Variants in DPYSL2 observed in about 807,000 individuals in gnomAD.
The protein encoded by DPYSL2 is dihydropyrimidinase like 2.
Under a neutral mutation model 69.9 loss-of-function variants are expected in DPYSL2, and 13 were observed. That is an observed-to-expected ratio of 0.19 (90% confidence interval 0.12 to 0.30). DPYSL2 has a LOEUF of 0.30. Ranked by LOEUF, DPYSL2 falls within the 10% of genes least tolerant of loss-of-function variation. DPYSL2 has a pLI of 1.00. For missense variants in DPYSL2, 587 were observed against 918.9 expected, an observed-to-expected ratio of 0.64 and a Z score of 4.67; for synonymous variants, 326 against 359.1, an observed-to-expected ratio of 0.91 and a Z score of 1.04.
rs1803204640 is a variant in DPYSL2 at position 26,647,848 on chromosome 8, C to T, written c.1596+48C>T. ...ACCCCATCCAAACGAATTACAGTCA[C>T]AGAGACACAGACGGAGGGAGAGCCC... On this transcript the variant is annotated intron_variant, in intron 11 of 13. Coordinates refer to ENST00000521913, the MANE Select transcript of DPYSL2 (RefSeq NM_001197293.3). The surrounding 1 kb of genome is among the most constrained non-coding windows in gnomAD (Gnocchi z 5.1). 1 of 1,555,562 alleles carries T rather than the reference C, an allele frequency of 6.4e-7. No individual in the cohort carries two copies. Among genetic ancestry groups the T allele is most frequent in the Non-Finnish European group, 8.7e-7 (1 of 1,149,448 alleles).
At position 26,619,618 on chromosome 8, in the gene DPYSL2, C is replaced by T. The variant is rs1802435714; in HGVS notation, c.629-4525C>T. 1 of 152,244 alleles carries T rather than the reference C, an allele frequency of 6.6e-6. No homozygotes were observed. The highest frequency in any genetic ancestry group is 2.4e-5 in the African/African-American group (1 of 41,440). The allele number at this position is 152,244 out of a possible 1,614,324, so 9.4% of individuals were successfully genotyped here. A position where few individuals can be genotyped will look rare whatever the true frequency, so the allele number is the denominator to read the frequency against. ...GATGCTCAAGGTAGTTCAAGGCAGA[C>T]TCAGTAGCTCCCGGGTTGCTTAGTA... On this transcript the variant is annotated intron_variant, in intron 3 of 13. Transcript: ENST00000521913. This position sits in a 1 kb window ranked among gnomAD's most constrained non-coding sequence, Gnocchi z 4.8.
intron 3 of DPYSL2, among the ~76,000 whole-genome samples, chr8:26,599,928 C>T (rs1158245779): frequency 6.6e-6 from 1 of 152,106 alleles, no homozygotes; most frequent in Non-Finnish European, 1.5e-5. Context: ...CCCCACCTCT[C>T]CCCTTGCACC....
chr8:26,580,268 A>G lies in DPYSL2; in HGVS notation c.355-1701A>G, dbSNP rs1399033825. The stretch of plus-strand genomic sequence containing the variant: ...GGGAGAGAAGTGGAGGTCATTGTAG[A>G]CAGAGGACAAGTGCACTGATTTGAG... On this transcript the variant is annotated intron_variant, in intron 1 of 13. Transcript: ENST00000521913. The surrounding 1 kb of genome is among the most constrained non-coding windows in gnomAD (Gnocchi z 4.1). 6.6e-6 allele frequency among the ~76,000 whole-genome samples: 1 copy of G among 152,158 alleles called. No individual in the cohort carries two copies. The highest frequency in any genetic ancestry group is 1.5e-5 in the Non-Finnish European group (1 of 68,012).
intron 3 of DPYSL2, among the ~76,000 whole-genome samples, chr8:26,590,103 G>A (rs1258164822): frequency 6.6e-6 from 1 of 152,234 alleles, no homozygotes; most frequent in Non-Finnish European, 1.5e-5. Context: ...TAATATGGAT[G>A]TGTCTGTAAT....
At chr8:26,589,572 T>G (rs1477900331) in intron 3 of DPYSL2, among the ~76,000 whole-genome samples, 1 of 152,224 alleles carries the variant, frequency 6.6e-6, no homozygotes, top group Non-Finnish European at 1.5e-5. Context: ...CGACGTGGAC[T>G]GTGTTCACCC....
At position 26,609,686 on chromosome 8, in the gene DPYSL2, C is replaced by G. The variant is rs988914146; in HGVS notation, c.629-14457C>G. Among the ~76,000 whole-genome samples the G allele has an allele frequency of 1.3e-5, 2 of 152,224 alleles. No homozygotes were observed. The highest frequency in any genetic ancestry group is 2.4e-5 in the African/African-American group (1 of 41,452). On this transcript the variant is annotated intron_variant, in intron 3 of 13. Transcript: ENST00000521913. This position sits in a 1 kb window ranked among gnomAD's most constrained non-coding sequence, Gnocchi z 6.5. ...CTGCCGGCTGCCACCCGTCGCTGAG[C>G]TGGAGCTCCCCAGAGTGCAGCCTGG...
chr8:26,606,367 A>G (rs1802106698), intron 3 of DPYSL2, among the ~76,000 whole-genome samples: 1 of 152,202 alleles, frequency 6.6e-6, no homozygotes, highest in Admixed American at 6.5e-5. Context: ...ATGAAAAGCC[A>G]TATAATTTAG....
chr8:26,568,893 T>A (rs967783921), intron 1 of DPYSL2, among the ~76,000 whole-genome samples: 4 of 152,046 alleles, frequency 2.6e-5, no homozygotes, highest in African/African-American at 9.7e-5. Flanking sequence ...GCTGCAGTTA[T>A]CATGATTGGA....
chr8:26,655,768 C>A lies in DPYSL2; in HGVS notation c.*62C>A. 116 of 1,124,524 alleles carry A rather than the reference C, an allele frequency of 1.0e-4. No homozygotes were observed. Among genetic ancestry groups the A allele is most frequent in the Non-Finnish European group, 1.3e-4 (108 of 806,846 alleles). 69.7% of individuals were successfully genotyped at this position (1,124,524 alleles called of 1,614,324 possible). ...TGGGACACCTGAGGACATTCTGAGA[C>A]TTCTTTCTTCCTTCCTTTTTTTTTT... On this transcript the variant is annotated 3_prime_UTR_variant, in exon 14 of 14. Coordinates refer to ENST00000521913, the MANE Select transcript of DPYSL2 (RefSeq NM_001197293.3).
Position 26,605,966 on chromosome 8 carries a change from AT to A in DPYSL2, c.629-18175del, listed in dbSNP as rs1802098697. 6.6e-6 allele frequency among the ~76,000 whole-genome samples: 1 copy of A among 152,174 alleles called. No individual in the cohort carries two copies. Among genetic ancestry groups the A allele is most frequent in the South Asian group, 2.1e-4 (1 of 4,834 alleles). On this transcript the variant is annotated intron_variant, in intron 3 of 13. Coordinates refer to ENST00000521913, the MANE Select transcript of DPYSL2 (RefSeq NM_001197293.3). This position sits in a 1 kb window ranked among gnomAD's most constrained non-coding sequence, Gnocchi z 4.1. ...AATGATTCTTAAGTACAGGTGAAAG[AT>A]TAAACAGGTGATAAGAACCAAAAAA...
chr8:26,522,222 C>T (rs1019964206), intron 1 of DPYSL2, among the ~76,000 whole-genome samples: 4 of 152,188 alleles, frequency 2.6e-5, no homozygotes, highest in Middle Eastern at 3.2e-3. Context: ...GCATGAGAAT[C>T]GCTTGAACCC....
In DPYSL2 at chr8:26,655,633, A is replaced by G. The variant is rs780095087; in HGVS notation, c.1961A>G (p.Asn654Ser). The G allele has an allele frequency of 1.9e-6, 3 of 1,609,512 alleles. No individual in the cohort carries two copies. Among genetic ancestry groups the G allele is most frequent in the African/African-American group, 2.7e-5 (2 of 74,804 alleles). The change falls in exon 14 of 14, where the codon AAC becomes AGC. Residue 654 changes from asparagine to serine, a missense_variant. Transcript: ENST00000521913. ...CCTCCAGGTGCTCAGATTGATGACA[A>G]CATTCCCCGCCGCACCACCCAGCGT... Reference protein sequence around the residue: ...FSLSGAQIDDNIPRRTTQRIV... With the variant: ...FSLSGAQIDDSIPRRTTQRIV...
intron 1 of DPYSL2, among the ~76,000 whole-genome samples, chr8:26,552,464 G>GATCA (rs1348432415): frequency 6.6e-6 from 1 of 152,184 alleles, no homozygotes; most frequent in East Asian, 1.9e-4. Flanking sequence ...TCTTTGAAAA[G>GATCA]ATCAGTACAA....
chr8:26,645,952 G>A (rs1209563378), intron 10 of DPYSL2, among the ~76,000 whole-genome samples: 2 of 152,148 alleles, frequency 1.3e-5, no homozygotes, highest in South Asian at 2.1e-4. Context: ...TGCAACGTCC[G>A]CCTCCCGGGT....
At chr8:26,636,931 G>A (rs1226419036) in intron 8 of DPYSL2, among the ~76,000 whole-genome samples, 1 of 151,958 alleles carries the variant, frequency 6.6e-6, no homozygotes, top group Non-Finnish European at 1.5e-5. Flanking sequence ...TAGTAGAGAC[G>A]GGGTTTCACC....
Position 26,627,065 on chromosome 8 carries a change from C to A in DPYSL2, c.856-150C>A, listed in dbSNP as rs1434864271. On this transcript the variant is annotated intron_variant, in intron 5 of 13. Transcript: ENST00000521913. The surrounding 1 kb of genome is among the most constrained non-coding windows in gnomAD (Gnocchi z 6.9). The stretch of plus-strand genomic sequence containing the variant: ...CCATCAAATGTGGCCAGTAACATTG[C>A]CCTCATCATATCAAAAAAAGTCAGG... The A allele has an allele frequency of 4.4e-6, 3 of 682,118 alleles. No individual in the cohort carries two copies. The highest frequency in any genetic ancestry group is 2.7e-5 in the East Asian group (1 of 36,848). The allele number at this position is 682,118 out of a possible 1,614,324, so 42.3% of individuals were successfully genotyped here.
At position 26,647,816 on chromosome 8, in the gene DPYSL2, T is replaced by C; in HGVS notation, c.1596+16T>C. The C allele has an allele frequency of 1.3e-6, 2 of 1,596,918 alleles. No homozygotes were observed. Among genetic ancestry groups the C allele is most frequent in the East Asian group, 2.3e-5 (1 of 44,224 alleles). ...ACACAACAGCGTAAGACCTGTTAAC[T>C]GTGCAGACCCCATCCAAACGAATTA... On this transcript the variant is annotated intron_variant, in intron 11 of 13. Coordinates refer to ENST00000521913, the MANE Select transcript of DPYSL2 (RefSeq NM_001197293.3). The surrounding 1 kb of genome is among the most constrained non-coding windows in gnomAD (Gnocchi z 5.1).
intron 1 of DPYSL2, among the ~76,000 whole-genome samples, chr8:26,524,943 G>C (rs1009819533): frequency 2.0e-5 from 3 of 150,074 alleles, no homozygotes; most frequent in Non-Finnish European, 4.4e-5. Context: ...TTGTTTGACG[G>C]TTTTCCTATC....
At chr8:26,549,647 G>A (rs1375752428) in intron 1 of DPYSL2, among the ~76,000 whole-genome samples, 2 of 152,110 alleles carry the variant, frequency 1.3e-5, no homozygotes, top group Non-Finnish European at 2.9e-5. Context: ...ATCAAAGACA[G>A]AAAGAAAACC....
Sources: gnomAD v4.1 joint callset for allele counts (sites outside exome capture counted in the v4.1 genomes callset) on GRCh38, gnomAD v4.1.1 for gene constraint, Gnocchi (gnomAD v3.1) non-coding constraint, MANE v1.5 for transcripts, NCBI Gene and HGNC (gene_info 2026-07-23, HGNC 2026-07-21) for gene names.